LRRTM4: variants seen among roughly 807,000 people sequenced by gnomAD.
LRRTM4 encodes leucine rich repeat transmembrane neuronal 4.
A neutral mutation model predicts 47.6 loss-of-function variants in LRRTM4; 25 were observed. That is an observed-to-expected ratio of 0.53 (90% CI 0.38 to 0.73). The LOEUF is 0.73. Among genes scored for constraint, LRRTM4 ranks in the 30% least tolerant of loss-of-function variants. The pLI is 0.00. For synonymous variants in LRRTM4, 311 were observed against 269.5 expected, an observed-to-expected ratio of 1.15 and a Z score of -1.51; for missense variants, 638 against 713.4, an observed-to-expected ratio of 0.89 and a Z score of 1.20.
intron 3 of LRRTM4, among the ~76,000 whole-genome samples, chr2:76,780,600 T>A (rs1573090446): frequency 6.6e-6 from 1 of 152,308 alleles, no homozygotes; most frequent in African/African-American, 2.4e-5. Context: ...GCCTTGGTTT[T>A]CAGCTCCATC....
At chr2:76,819,720 G>A (rs892600525) in intron 3 of LRRTM4, among the ~76,000 whole-genome samples, 4 of 151,918 alleles carry the variant, frequency 2.6e-5, no homozygotes, top group Non-Finnish European at 5.9e-5. Flanking sequence ...AGTGCAATCA[G>A]ATCTTTCATT....
intron 3 of LRRTM4, among the ~76,000 whole-genome samples, chr2:76,998,253 C>T (rs1021024624): frequency 5.3e-5 from 8 of 152,058 alleles, no homozygotes; most frequent in Admixed American, 5.2e-4. Flanking sequence ...ACACTGCCTG[C>T]TATCCCATTC....
rs1675116625 is a variant in LRRTM4 at position 77,426,662 on chromosome 2, G to T, written c.1551+91656C>A. 2.0e-5 allele frequency among the ~76,000 whole-genome samples: 3 copies of T among 151,950 alleles called. No homozygotes were observed. The South Asian group carries it at 6.2e-4, about 32-fold the overall frequency. ...CACAATATCTGATGGTTTTATAAGG[G>T]CCTTCTTTTCCTCCCCTACTTTGAA... On this transcript the variant is annotated intron_variant, in intron 3 of 3. Coordinates refer to ENST00000409884, the MANE Select transcript of LRRTM4 (RefSeq NM_001134745.3).
chr2:76,789,477 G>GGCTTGATAAATACATGAA (rs1674853380), intron 3 of LRRTM4, among the ~76,000 whole-genome samples: 2 of 152,136 alleles, frequency 1.3e-5, no homozygotes, highest in African/African-American at 4.8e-5. Flanking sequence ...GAGGGCTTCT[G>GGCTTGATAAATACATGAA]GCTTGATAAA....
chr2:77,037,799 GATA>G (rs1297363651), intron 3 of LRRTM4, among the ~76,000 whole-genome samples: 2 of 151,668 alleles, frequency 1.3e-5, no homozygotes, highest in Admixed American at 6.6e-5. Context: ...GCATGCAAAT[GATA>G]ATAGATTGCA....
chr2:76,817,696 G>C (rs546851095), intron 3 of LRRTM4, among the ~76,000 whole-genome samples: 1 of 152,000 alleles, frequency 6.6e-6, no homozygotes, highest in East Asian at 1.9e-4. Context: ...CCCTGAAACT[G>C]CCTTGGAAAA....
At chr2:77,506,394 T>C (rs1283793386) in intron 3 of LRRTM4, among the ~76,000 whole-genome samples, 1 of 151,648 alleles carries the variant, frequency 6.6e-6, no homozygotes, top group Non-Finnish European at 1.5e-5. Flanking sequence ...GTAAAAGCAA[T>C]GTAAGAAAAC....
intron 3 of LRRTM4, among the ~76,000 whole-genome samples, chr2:76,757,442 C>A (rs1673075180): frequency 6.6e-6 from 1 of 152,064 alleles, no homozygotes; most frequent in South Asian, 2.1e-4. Context: ...GAATGAGGTA[C>A]TAGCCATCTT....
chr2:77,427,120 A>C (rs1163767016), intron 3 of LRRTM4, among the ~76,000 whole-genome samples: 1 of 151,880 alleles, frequency 6.6e-6, no homozygotes, highest in African/African-American at 2.4e-5. Context: ...CTGGGACTAC[A>C]GGTGCGCACC....
intron 3 of LRRTM4, among the ~76,000 whole-genome samples, chr2:77,248,007 T>C (rs960015637): frequency 6.6e-6 from 1 of 150,672 alleles, no homozygotes; most frequent in African/African-American, 2.4e-5. Flanking sequence ...CTTTGTAAGC[T>C]GGTTATACTA....
chr2:76,933,247 T>C (rs1674832702), intron 3 of LRRTM4, among the ~76,000 whole-genome samples: 2 of 152,084 alleles, frequency 1.3e-5, no homozygotes, highest in Admixed American at 6.6e-5. Context: ...AAACAATCAA[T>C]AAAATTGTTT....
chr2:76,855,191 G>A (rs563594496), intron 3 of LRRTM4, among the ~76,000 whole-genome samples: 28 of 152,162 alleles, frequency 1.8e-4, no homozygotes, highest in Non-Finnish European at 3.2e-4. Context: ...AGAAAAAGGA[G>A]GAAAGGTAAC....
chr2:76,847,932 A>C (rs1264386786), intron 3 of LRRTM4, among the ~76,000 whole-genome samples: 1 of 152,094 alleles, frequency 6.6e-6, no homozygotes, highest in Non-Finnish European at 1.5e-5. Flanking sequence ...AGTGTTCCCT[A>C]TGGGGCACTC....
intron 3 of LRRTM4, among the ~76,000 whole-genome samples, chr2:76,755,616 T>C (rs1673001903): frequency 6.6e-6 from 1 of 152,132 alleles, no homozygotes; most frequent in African/African-American, 2.4e-5. Flanking sequence ...TATGAATCTC[T>C]CACTAGCATG....
At chr2:77,039,898 T>TAA (rs1678966223) in intron 3 of LRRTM4, among the ~76,000 whole-genome samples, 1 of 151,146 alleles carries the variant, frequency 6.6e-6, no homozygotes, top group African/African-American at 2.4e-5. Flanking sequence ...TTAGTAATTT[T>TAA]CTCATTAGTT....
chr2:77,402,221 CT>C (rs1673988898), intron 3 of LRRTM4, among the ~76,000 whole-genome samples: 1 of 151,902 alleles, frequency 6.6e-6, no homozygotes, highest in Non-Finnish European at 1.5e-5. Context: ...TTATAGGTTC[CT>C]GCAGCTTCAA....
intron 3 of LRRTM4, among the ~76,000 whole-genome samples, chr2:76,920,534 T>A (rs540588121): frequency 2.0e-4 from 30 of 152,278 alleles, no homozygotes; most frequent in Non-Finnish European, 3.8e-4. Flanking sequence ...TTCATTTTCA[T>A]ACCTGTCACA....
chr2:77,316,028 C>G (rs1250034845), intron 3 of LRRTM4, among the ~76,000 whole-genome samples: 1 of 152,150 alleles, frequency 6.6e-6, no homozygotes, highest in Non-Finnish European at 1.5e-5. Flanking sequence ...AACAGGGAAT[C>G]TAAATTTGGT....
chr2:77,182,552 TA>T (rs112529374), intron 3 of LRRTM4, among the ~76,000 whole-genome samples: 2 of 151,798 alleles, frequency 1.3e-5, no homozygotes, highest in South Asian at 2.1e-4. Flanking sequence ...AAAGTAAAAT[TA>T]AAAAAAACAT....
Sources: allele counts gnomAD v4.1 joint callset (sites outside exome capture counted in the v4.1 genomes callset), GRCh38; gene constraint gnomAD v4.1.1; transcripts MANE v1.5; gene names NCBI Gene and HGNC (gene_info 2026-07-23, HGNC 2026-07-21).